ZC3H12D: variants seen among roughly 807,000 people sequenced by gnomAD.
ZC3H12D encodes probable ribonuclease ZC3H12D.
ZC3H12D carries 11 observed loss-of-function variants against 24.2 expected under a neutral mutation model. That is an observed-to-expected ratio of 0.46 (90% confidence interval 0.29 to 0.75). The LOEUF (loss-of-function observed/expected upper bound fraction) is 0.75. Ranked by LOEUF, ZC3H12D falls within the 30% of genes least tolerant of loss-of-function variation. ZC3H12D has a pLI of 0.11. For missense variants in ZC3H12D, 740 were observed against 767.7 expected, an observed-to-expected ratio of 0.96 and a Z score of 0.43; for synonymous variants, 333 against 341.8, an observed-to-expected ratio of 0.97 and a Z score of 0.28.
At chr6:149,483,397 A>G (rs1055098356) in intron 1 of ZC3H12D, among the ~76,000 whole-genome samples, 1 of 152,212 alleles carries the variant, frequency 6.6e-6, no homozygotes, top group African/African-American at 2.4e-5. Flanking sequence ...CATGGAGCAC[A>G]TTCAGACTGC....
Position 149,456,049 on chromosome 6 carries a change from C to T in ZC3H12D, c.680+617G>A, listed in dbSNP as rs908837236. The stretch of plus-strand genomic sequence containing the variant: ...TGGACAGATCACAAGGTCAGGAGAT[C>T]GAGACCATCTGGCTAACATGGTGAA... On this transcript the variant is annotated intron_variant, in intron 4 of 5. Coordinates refer to ENST00000409806, the MANE Select transcript of ZC3H12D (RefSeq NM_207360.3). This position sits in a 1 kb window ranked among gnomAD's most constrained non-coding sequence, Gnocchi z 4.3. Among the ~76,000 whole-genome samples the T allele has an allele frequency of 2.7e-5, 4 of 150,728 alleles. No individual in the cohort carries two copies. The highest frequency in any genetic ancestry group is 2.1e-4 in the South Asian group (1 of 4,778).
Position 149,452,049 on chromosome 6 carries a change from A to G in ZC3H12D, c.787+567T>C, listed in dbSNP as rs1190245996. The G allele has an allele frequency of 6.5e-6, 1 of 153,156 alleles. No individual in the cohort carries two copies. Among genetic ancestry groups the G allele is most frequent in the Non-Finnish European group, 1.5e-5 (1 of 68,758 alleles). 9.5% of individuals were successfully genotyped at this position (153,156 alleles called of 1,614,324 possible). ...GCTTCTGAGAGTGAAAGGGGGAAGG[A>G]GGAGTCAGCCTGAATGTATGTATGG... On this transcript the variant is annotated intron_variant, in intron 5 of 5. Coordinates refer to ENST00000409806, the MANE Select transcript of ZC3H12D (RefSeq NM_207360.3). This position sits in a 1 kb window ranked among gnomAD's most constrained non-coding sequence, Gnocchi z 4.0.
At chr6:149,454,617 C>T (rs1232281726) in intron 4 of ZC3H12D, among the ~76,000 whole-genome samples, 2 of 152,240 alleles carry the variant, frequency 1.3e-5, no homozygotes, top group African/African-American at 4.8e-5. Flanking sequence ...TGGACGTGCC[C>T]GGGGCACCAG....
At chr6:149,472,798 G>C (rs1187818444) in intron 2 of ZC3H12D, among the ~76,000 whole-genome samples, 1 of 152,104 alleles carries the variant, frequency 6.6e-6, no homozygotes, top group East Asian at 1.9e-4. Flanking sequence ...TTAGGGCTGG[G>C]AAGGTCTTTG....
Position 149,450,242 on chromosome 6 carries a change from T to G in ZC3H12D, c.*441A>C. On this transcript the variant is annotated 3_prime_UTR_variant, in exon 6 of 6. Coordinates refer to ENST00000409806, the MANE Select transcript of ZC3H12D (RefSeq NM_207360.3). The stretch of plus-strand genomic sequence containing the variant: ...TTAAACTTCTGACTACGACCCACAT[T>G]GAGGTTAGTTACATGGCTGCCAAGG... The G allele has an allele frequency of 6.0e-6, 1 of 165,360 alleles. No homozygotes were observed. The highest frequency in any genetic ancestry group is 1.3e-5 in the Non-Finnish European group (1 of 77,356). The allele number at this position is 165,360 out of a possible 1,614,324, so 10.2% of individuals were successfully genotyped here.
intron 2 of ZC3H12D, among the ~76,000 whole-genome samples, chr6:149,462,765 G>A (rs1013459703): frequency 3.3e-5 from 5 of 152,178 alleles, no homozygotes; most frequent in African/African-American, 9.7e-5. Context: ...TTTTTCGCCC[G>A]TGCTGGATGC....
At chr6:149,476,625 T>G (rs1423705360) in intron 1 of ZC3H12D, among the ~76,000 whole-genome samples, 1 of 151,902 alleles carries the variant, frequency 6.6e-6, no homozygotes, top group Non-Finnish European at 1.5e-5. Context: ...CACAGCAACA[T>G]GGCAAAACCC....
chr6:149,474,349 C>T lies in ZC3H12D; in HGVS notation c.195G>A (p.Gly65=). ...GGCCACGCTGGGCAGAGTCCGGGAC[C>T]CCACAGGAGCCCCGAGGCACTAGCC... ...APRLVPRGSC[G]VPDSAQRGPG... The change falls in exon 2 of 6, where the codon GGG becomes GGA. Residue 65 remains glycine, a synonymous_variant. Transcript: ENST00000409806. 6.2e-7 allele frequency: 1 copy of T among 1,606,304 alleles called. No homozygotes were observed. Among genetic ancestry groups the T allele is most frequent in the Non-Finnish European group, 8.5e-7 (1 of 1,174,772 alleles).
intron 3 of ZC3H12D, among the ~76,000 whole-genome samples, chr6:149,461,339 C>CAAA (rs202117524): frequency 2.1e-5 from 2 of 95,100 alleles, no homozygotes. Context: ...GATTTGGTCT[C>CAAA]AAAAAAAAAA....
chr6:149,480,675 G>A (rs1298536056), intron 1 of ZC3H12D, among the ~76,000 whole-genome samples: 1 of 152,194 alleles, frequency 6.6e-6, no homozygotes, highest in Non-Finnish European at 1.5e-5. Context: ...GGCGGAGGTT[G>A]CGGTGAGCCA....
chr6:149,470,690 A>G lies in ZC3H12D; in HGVS notation c.305+3549T>C, dbSNP rs73602713. On this transcript the variant is annotated intron_variant, in intron 2 of 5. Coordinates refer to ENST00000409806, the MANE Select transcript of ZC3H12D (RefSeq NM_207360.3). ...GGGCTCAAGCCAGGTGACCTACCTA[A>G]GGTCACACAGCTGGATGGCTGAAAA... Among the ~76,000 whole-genome samples the G allele has an allele frequency of 6.5e-3, 993 of 152,336 alleles. 7 individuals are homozygous for G. The highest frequency in any genetic ancestry group is 0.022 in the African/African-American group (929 of 41,562).
rs1775878619 is a variant in ZC3H12D, at chr6:149,450,875, T to C, written c.1392A>G (p.Gly464=). The C allele has an allele frequency of 1.9e-6, 3 of 1,541,812 alleles. No individual in the cohort carries two copies. The highest frequency in any genetic ancestry group is 2.4e-5 in the South Asian group (2 of 84,024). ...CGTCCTCGGTCGCGTACACTGAAAGTCCCCCAGTGGCGCCGTCGCCCCAGG... is the reference window on the plus strand; with the variant it reads ...CGTCCTCGGTCGCGTACACTGAAAGCCCCCCAGTGGCGCCGTCGCCCCAGG... ...EPAWGDGATG[G]LSVYATEDDE... is the part of the protein sequence containing the mutation. The change falls in exon 6 of 6, where the codon GGA becomes GGG. Residue 464 remains glycine, a synonymous_variant. Transcript: ENST00000409806.
intron 1 of ZC3H12D, 65 bp from the exon 2 acceptor site, chr6:149,474,678 G>T: frequency 1.3e-6 from 1 of 776,060 alleles, no homozygotes; most frequent in Non-Finnish European, 1.8e-6. Flanking sequence ...GGCAAGGTGT[G>T]CCTGCGCTGG....
intron 3 of ZC3H12D, among the ~76,000 whole-genome samples, chr6:149,457,698 A>G (rs1052524109): frequency 2.0e-5 from 3 of 152,210 alleles, no homozygotes; most frequent in Admixed American, 6.5e-5. Context: ...AAACATTACA[A>G]GGCCTTTCTT....
At position 149,469,406 on chromosome 6, in the gene ZC3H12D, C is replaced by A. The variant is rs556938784; in HGVS notation, c.305+4833G>T. Among the ~76,000 whole-genome samples the A allele has an allele frequency of 8.3e-4, 126 of 151,672 alleles. 1 individual carries two copies. Among genetic ancestry groups the A allele is most frequent in the South Asian group, 3.3e-3 (16 of 4,796 alleles). ...CCGGGAGGCGGAGCTTGCAGTGAGC[C>A]GAGATGGCGCCACTGCACTCCAGCC... On this transcript the variant is annotated intron_variant, in intron 2 of 5. Coordinates refer to ENST00000409806, the MANE Select transcript of ZC3H12D (RefSeq NM_207360.3).
chr6:149,466,673 C>T (rs1021701845), intron 2 of ZC3H12D, among the ~76,000 whole-genome samples: 1 of 151,184 alleles, frequency 6.6e-6, no homozygotes, highest in African/African-American at 2.4e-5. Context: ...GTCAGGAGTT[C>T]GAGACCAGCC....
At position 149,483,831 on chromosome 6, in the gene ZC3H12D, G is replaced by A. The variant is rs948497596; in HGVS notation, c.-71+982C>T. ...CCCACAAAGTGCTGGGATTACAGGT[G>A]TGAGCCACCACTCCCAGCCAATTTC... On this transcript the variant is annotated intron_variant, in intron 1 of 5. Coordinates refer to ENST00000409806, the MANE Select transcript of ZC3H12D (RefSeq NM_207360.3). 2.1e-4 allele frequency among the ~76,000 whole-genome samples: 32 copies of A among 152,266 alleles called. No homozygotes were observed. The East Asian group carries it at 6.0e-3, about 28-fold the overall frequency.
intron 3 of ZC3H12D, among the ~76,000 whole-genome samples, chr6:149,458,123 C>CTTTTTTTTTTTTT (rs1776014908): frequency 2.1e-5 from 1 of 47,164 alleles, no homozygotes; most frequent in Non-Finnish European, 3.7e-5. Context: ...TTTTTTTTTT[C>CTTTTTTTTTTTTT]GTTTCTTTTT....
At chr6:149,481,409 C>T (rs1268494763) in intron 1 of ZC3H12D, among the ~76,000 whole-genome samples, 9 of 149,680 alleles carry the variant, frequency 6.0e-5, no homozygotes, top group Admixed American at 2.0e-4. Context: ...GAGTTTTGCT[C>T]TGTCGCCCAG....
Sources: gnomAD v4.1 joint callset for allele counts (sites outside exome capture counted in the v4.1 genomes callset) on GRCh38, gnomAD v4.1.1 for gene constraint, Gnocchi (gnomAD v3.1) non-coding constraint, MANE v1.5 for transcripts, NCBI Gene and HGNC (gene_info 2026-07-23, HGNC 2026-07-21) for gene names.